Variants in HIPK4 observed in about 807,000 individuals in gnomAD.
HIPK4 encodes homeodomain-interacting protein kinase 4.
A neutral mutation model predicts 44.8 loss-of-function variants in HIPK4; 26 were observed. That is an observed-to-expected ratio of 0.58 (90% CI 0.43 to 0.80). The LOEUF (loss-of-function observed/expected upper bound fraction) is 0.80. Ranked by LOEUF, HIPK4 falls within the 30% of genes least tolerant of loss-of-function variation. HIPK4 has a pLI of 0.00. For synonymous variants in HIPK4, 340 were observed against 355.5 expected, an observed-to-expected ratio of 0.96 and a Z score of 0.49; for missense variants, 729 against 862.6, an observed-to-expected ratio of 0.85 and a Z score of 1.94.
chr19:40,388,575 C>G (rs1281167442), intron 1 of HIPK4, among the ~76,000 whole-genome samples: 2 of 152,180 alleles, frequency 1.3e-5, no homozygotes, highest in Non-Finnish European at 2.9e-5. Flanking sequence ...CCTTCCACCT[C>G]TTGGGGCAGA....
chr19:40,386,037 A>G (rs879291914), intron 1 of HIPK4, among the ~76,000 whole-genome samples: 26 of 149,884 alleles, frequency 1.7e-4, no homozygotes, highest in East Asian at 4.0e-4. Flanking sequence ...TTCACACACT[A>G]TATCTCTTAA....
chr19:40,384,702 C>T (rs2079355253), intron 1 of HIPK4, among the ~76,000 whole-genome samples: 1 of 151,552 alleles, frequency 6.6e-6, no homozygotes, highest in Non-Finnish European at 1.5e-5. Flanking sequence ...ACCTCTGCCT[C>T]CTGGGTTCAA....
rs2079364929 is a variant in HIPK4 at position 40,386,702 on chromosome 19, G to T, written c.466-2563C>A. ...AGGATGTCAGTCCCACGAGGGCAAAGAATTTATCCATTTTGTTCAATACTG... is the reference window on the plus strand; with the variant it reads ...AGGATGTCAGTCCCACGAGGGCAAATAATTTATCCATTTTGTTCAATACTG... On this transcript the variant is annotated intron_variant, in intron 1 of 3. Transcript: ENST00000291823. 2.0e-5 allele frequency among the ~76,000 whole-genome samples: 3 copies of T among 152,168 alleles called. No individual in the cohort carries two copies. The South Asian group carries it at 6.2e-4, about 32-fold the overall frequency.
chr19:40,385,683 C>CTTTTTTTTT (rs142414559), intron 1 of HIPK4, among the ~76,000 whole-genome samples: 159 of 67,018 alleles, frequency 2.4e-3, no homozygotes, highest in Non-Finnish European at 3.2e-3. Context: ...CTTTTCTTTT[C>CTTTTTTTTT]TTTTTTTTTT....
At chr19:40,381,616 A>T (rs2145716294) in intron 2 of HIPK4, among the ~76,000 whole-genome samples, 1 of 152,138 alleles carries the variant, frequency 6.6e-6, no homozygotes, top group South Asian at 2.1e-4. Context: ...CTGTGGTCCC[A>T]TCCAGACCCT....
At chr19:40,381,788 T>C (rs1222258070) in intron 2 of HIPK4, among the ~76,000 whole-genome samples, 1 of 124,960 alleles carries the variant, frequency 8.0e-6, no homozygotes, top group East Asian at 2.2e-4. Context: ...CAGATCCTTT[T>C]TTTTTTTTTT....
At chr19:40,385,048 C>A (rs901875377) in intron 1 of HIPK4, among the ~76,000 whole-genome samples, 2 of 152,196 alleles carry the variant, frequency 1.3e-5, no homozygotes, top group African/African-American at 2.4e-5. Flanking sequence ...TCTTGCACCC[C>A]ACACCTTGTC....
At position 40,389,363 on chromosome 19, in the gene HIPK4, A is replaced by AT; in HGVS notation, c.465+74_465+75insA. On this transcript the variant is annotated intron_variant, in intron 1 of 3. Transcript: ENST00000291823. This position sits in a 1 kb window ranked among gnomAD's most constrained non-coding sequence, Gnocchi z 4.6. ...TAATAATTTTAAAAAATTAAAAAAA[A>AT]AATCTAGGGCTGGAAGAAGCTGGGA... The AT allele has an allele frequency of 1.4e-6, 1 of 723,456 alleles. No homozygotes were observed. The highest frequency in any genetic ancestry group is 2.0e-6 in the Non-Finnish European group (1 of 506,660). The allele number at this position is 723,456 out of a possible 1,614,324, so 44.8% of individuals were successfully genotyped here. A position where few individuals can be genotyped will look rare whatever the true frequency, so the allele number is the denominator to read the frequency against.
At position 40,379,695 on chromosome 19, in the gene HIPK4, C is replaced by T. The variant is rs919178873; in HGVS notation, c.1743G>A (p.Glu581=). The T allele has an allele frequency of 3.7e-6, 6 of 1,602,894 alleles. No homozygotes were observed. The Admixed American group carries it at 8.5e-5, about 23-fold the overall frequency. ...CCTGAGCCCGTGGGCCCCTGACGCT[C>T]TCCAGGGTGCAGTCTGGCTCACTCA... ...EWLSEPDCTL[E]SVRGPRAQGL... is the part of the protein sequence containing the mutation. The change falls in exon 4 of 4, where the codon GAG becomes GAA. Residue 581 remains glutamate, a synonymous_variant. Coordinates refer to ENST00000291823, the MANE Select transcript of HIPK4 (RefSeq NM_144685.5).
intron 1 of HIPK4, among the ~76,000 whole-genome samples, chr19:40,385,978 G>A (rs62109482): frequency 0.033 from 5,068 of 151,636 alleles, 134 homozygotes; most frequent in Non-Finnish European, 0.053. Flanking sequence ...AAAGTGCTAG[G>A]ACAGGCGTGA....
chr19:40,389,959 G>T lies in HIPK4; in HGVS notation c.-57C>A, dbSNP rs906544815. ...AGGCCCCTGTACCACTGGCTCTGCC[G>T]CCCAGGCCTCCCGCCTGGCTGCTGA... is the stretch of plus-strand genomic sequence containing the variant. On this transcript the variant is annotated 5_prime_UTR_variant, in exon 1 of 4. Coordinates refer to ENST00000291823, the MANE Select transcript of HIPK4 (RefSeq NM_144685.5). This position sits in a 1 kb window ranked among gnomAD's most constrained non-coding sequence, Gnocchi z 4.6. The T allele has an allele frequency of 1.2e-5, 17 of 1,392,742 alleles. No homozygotes were observed. Among genetic ancestry groups the T allele is most frequent in the Admixed American group, 5.8e-5 (3 of 51,348 alleles). The allele number at this position is 1,392,742 out of a possible 1,614,324, so 86.3% of individuals were successfully genotyped here. A position where few individuals can be genotyped will look rare whatever the true frequency, so the allele number is the denominator to read the frequency against.
intron 1 of HIPK4, among the ~76,000 whole-genome samples, chr19:40,384,520 G>A (rs1184851307): frequency 1.3e-5 from 2 of 151,878 alleles, no homozygotes. Flanking sequence ...GGCCAGGCTG[G>A]TCTCGAACTC....
chr19:40,379,916 T>G, intron 3 of HIPK4, 147 bp from the exon 4 acceptor site: 1 of 868,472 alleles, frequency 1.2e-6, no homozygotes, highest in Non-Finnish European at 1.7e-6. Context: ...AGTGATGTGA[T>G]GACAGCTCAC....
chr19:40,379,319 C>T lies in HIPK4; in HGVS notation c.*268G>A, dbSNP rs557058707. On this transcript the variant is annotated 3_prime_UTR_variant, in exon 4 of 4. Transcript: ENST00000291823. ...TAGACAGAGGCAGCAGGGCCAAGGG[C>T]GAGCGCAGGGCCAGCGGGGTGCAGC... 2.3e-4 allele frequency: 108 copies of T among 474,736 alleles called. No individual in the cohort carries two copies. In the South Asian group the frequency reaches 2.5e-3, roughly 11 times the overall value. 29.4% of individuals were successfully genotyped at this position (474,736 alleles called of 1,614,324 possible).
intron 1 of HIPK4, among the ~76,000 whole-genome samples, chr19:40,384,367 G>T (rs1307341642): frequency 6.6e-6 from 1 of 152,004 alleles, no homozygotes; most frequent in Non-Finnish European, 1.5e-5. Context: ...GCAATGGCAC[G>T]ATCTCAGCAC....
At chr19:40,387,250 T>C (rs2079367401) in intron 1 of HIPK4, among the ~76,000 whole-genome samples, 1 of 152,178 alleles carries the variant, frequency 6.6e-6, no homozygotes, top group African/African-American at 2.4e-5. Context: ...TCTCTGTCTC[T>C]GTGTCGTCCA....
chr19:40,389,471 C>T lies in HIPK4; in HGVS notation c.432G>A (p.Leu144=). Reference sequence around the variant, plus strand: ...TGAAGGGGCAGCGGGTCTGGTCCACCAGCATGATGTTCTCAGGCTTGAGAT... The same window carrying T: ...TGAAGGGGCAGCGGGTCTGGTCCACTAGCATGATGTTCTCAGGCTTGAGAT... ...HADLKPENIM[L]VDQTRCPFRV... is the part of the protein sequence containing the mutation. Residue 144 remains leucine (L), a synonymous_variant, in exon 1 of 4, where the codon CTG becomes CTA. Transcript: ENST00000291823. The surrounding 1 kb of genome is among the most constrained non-coding windows in gnomAD (Gnocchi z 4.6). 2.5e-6 allele frequency: 4 copies of T among 1,601,746 alleles called. No homozygotes were observed. Among genetic ancestry groups the T allele is most frequent in the Non-Finnish European group, 3.4e-6 (4 of 1,171,570 alleles).
chr19:40,379,621 G>A lies in HIPK4; in HGVS notation c.1817C>T (p.Thr606Ile). 1 of 1,547,586 alleles carries A rather than the reference G, an allele frequency of 6.5e-7. No homozygotes were observed. The change falls in exon 4 of 4, where the codon ACC (threonine) becomes ATC (isoleucine). Residue 606 changes from threonine (T) to isoleucine (I), a missense_variant. By Grantham distance (89) the Thr-to-Ile change is moderately conservative (BLOSUM62 -1). Coordinates refer to ENST00000291823, the MANE Select transcript of HIPK4 (RefSeq NM_144685.5). ...SHQHGPPRGATSFLQHVTGHH is the reference protein window; with the variant it reads ...SHQHGPPRGAISFLQHVTGHH ...CCCGGTGACATGCTGGAGGAAGCTG[G>A]TGGCCCCCCGGGGTGGACCATGCTG... is the stretch of plus-strand genomic sequence containing the variant.
At chr19:40,388,047 T>A in intron 1 of HIPK4, among the ~76,000 whole-genome samples, 1 of 126,884 alleles carries the variant, frequency 7.9e-6, no homozygotes, top group Non-Finnish European at 1.7e-5. Context: ...CAGAGGGACT[T>A]CCTCTGTCGC....
Sources: gnomAD v4.1 joint callset for allele counts (sites outside exome capture counted in the v4.1 genomes callset) on GRCh38, gnomAD v4.1.1 for gene constraint, Gnocchi (gnomAD v3.1) non-coding constraint, MANE v1.5 for transcripts, NCBI Gene and HGNC (gene_info 2026-07-23, HGNC 2026-07-21) for gene names.